Variants in PGR observed in about 807,000 individuals in gnomAD.
PGR encodes nuclear receptor subfamily 3 group C member 3.
In PGR, 25 loss-of-function variants were observed where a neutral mutation model predicts 76.1. The observed-to-expected ratio is 0.33, with a 90% CI of 0.24 to 0.46. PGR has a LOEUF of 0.46. Among genes scored for constraint, PGR ranks in the 20% least tolerant of loss-of-function variants. PGR has a pLI of 1.00. For missense variants in PGR, 1,172 were observed against 1,225.3 expected (o/e 0.96, Z 0.65); for synonymous variants, 579 against 535.0 (o/e 1.08, Z -1.14).
intron 7 of PGR, among the ~76,000 whole-genome samples, chr11:101,041,504 A>G (rs544910): frequency 0.23 from 35,584 of 151,990 alleles, 5,208 homozygotes; most frequent in Non-Finnish European, 0.33. Flanking sequence ...AAAAATAGAA[A>G]CTTGAAAAGC....
chr11:101,057,041 G>C (rs1381969025), intron 4 of PGR, among the ~76,000 whole-genome samples: 1 of 152,118 alleles, frequency 6.6e-6, no homozygotes, highest in Non-Finnish European at 1.5e-5. Flanking sequence ...TTGCAATTAG[G>C]ATCAAGGTTA....
rs573336671 is a variant in PGR, at chr11:101,127,877, C to T, written c.1194G>A (p.Ala398=). 1.2e-6 allele frequency: 2 copies of T among 1,603,106 alleles called. No individual in the cohort carries two copies. Among genetic ancestry groups the T allele is most frequent in the Admixed American group, 3.4e-5 (2 of 59,288 alleles). ...CCACAAGGTAGGAACGCGGGGAGCG[C>T]GCGGAGGCCTCCGCGCCTTCCTCCT... ...KEEEEGAEAS[A]RSPRSYLVAG... is the part of the protein sequence containing the mutation. Residue 398 remains alanine, a synonymous_variant, in exon 1 of 8, where the codon GCG becomes GCA. Coordinates refer to ENST00000325455, the MANE Select transcript of PGR (RefSeq NM_000926.4).
intron 4 of PGR, among the ~76,000 whole-genome samples, chr11:101,060,116 T>C (rs987476485): frequency 1.3e-5 from 2 of 152,126 alleles, no homozygotes; most frequent in Non-Finnish European, 2.9e-5. Flanking sequence ...TTTCCTATTG[T>C]GAAAGAATGA....
chr11:101,112,046 A>C (rs955133250), intron 2 of PGR, among the ~76,000 whole-genome samples: 1 of 152,190 alleles, frequency 6.6e-6, no homozygotes, highest in African/African-American at 2.4e-5. Flanking sequence ...GGAGTGATCA[A>C]TTGTCAAATG....
intron 7 of PGR, chr11:101,041,599 G>A (rs1378948167): frequency 4.8e-6 from 1 of 207,964 alleles, no homozygotes; most frequent in East Asian, 1.2e-4. Flanking sequence ...AATGGCATGA[G>A]TCTTATTTTT....
chr11:101,046,292 ATTTTTTTTTTTT>A (rs540943297), intron 6 of PGR, among the ~76,000 whole-genome samples: 73 of 66,282 alleles, frequency 1.1e-3, no homozygotes, highest in African/African-American at 4.6e-3. Context: ...CGCCTGGCTA[ATTTTTTTTTTTT>A]TTTTTTTTTT....
chr11:101,060,964 T>G (rs1056925424), intron 4 of PGR, among the ~76,000 whole-genome samples: 3 of 152,202 alleles, frequency 2.0e-5, no homozygotes, highest in African/African-American at 7.2e-5. Context: ...TCTTTTCAAG[T>G]ATAACTGGTT....
At position 101,062,443 on chromosome 11, in the gene PGR, T is replaced by C. The variant is rs546571127; in HGVS notation, c.2212+4A>G. ...TACATGCTGTATATAAAAATTATTA[T>C]TACCTGGCAATGATTTAGACCACTT... is the stretch of plus-strand genomic sequence containing the variant. On this transcript the variant is annotated splice_donor_region_variant and intron_variant, in intron 4 of 7. Transcript: ENST00000325455. The C allele has an allele frequency of 5.0e-6, 8 of 1,605,648 alleles. No homozygotes were observed. Among genetic ancestry groups the C allele is most frequent in the African/African-American group, 1.3e-5 (1 of 74,850 alleles).
intron 3 of PGR, among the ~76,000 whole-genome samples, chr11:101,085,718 AAAG>A (rs1342231519): frequency 6.6e-6 from 1 of 152,046 alleles, no homozygotes; most frequent in Non-Finnish European, 1.5e-5. Context: ...ACAAAGAAAA[AAAG>A]AGAGAAGATC....
At chr11:101,098,193 T>C (rs1476370244) in intron 2 of PGR, among the ~76,000 whole-genome samples, 1 of 152,086 alleles carries the variant, frequency 6.6e-6, no homozygotes, top group East Asian at 1.9e-4. Context: ...AATTCCACTT[T>C]AAAGGAAATA....
Position 101,128,137 on chromosome 11 carries a change from T to G in PGR, c.934A>C (p.Asn312His). The change falls in exon 1 of 8, where the codon AAT (asparagine) becomes CAT (histidine). Residue 312 changes from asparagine to histidine, a missense_variant. Asn to His is a moderately conservative substitution (Grantham distance 68, BLOSUM62 1). Transcript: ENST00000325455. ...GTGCGGGCTGCCAATAAGGCGTGAT[T>G]GAGAGGCAGGATAGGCACGTGGATG... ...DFIHVPILPL[N>H]HALLAARTRQ... 6.3e-7 allele frequency: 1 copy of G among 1,597,852 alleles called. No individual in the cohort carries two copies. The highest frequency in any genetic ancestry group is 1.1e-5 in the South Asian group (1 of 91,028).
chr11:101,042,842 A>G (rs1372982042), intron 6 of PGR, among the ~76,000 whole-genome samples: 1 of 152,192 alleles, frequency 6.6e-6, no homozygotes, highest in Non-Finnish European at 1.5e-5. Context: ...AGTGTGCAAC[A>G]GCATTATTTA....
At position 101,127,813 on chromosome 11, in the gene PGR, C is replaced by T; in HGVS notation, c.1258G>A (p.Gly420Arg). ...CGCGGCGGCAGCGGGGGCGGTGGCC[C>T]CAACGGGAAATCCGGGAAGGCTGCG... is the stretch of plus-strand genomic sequence containing the variant. ...NPAAFPDFPLGPPPPLPPRAT... is the reference protein window; with the variant it reads ...NPAAFPDFPLRPPPPLPPRAT... The change falls in exon 1 of 8, where the codon GGG becomes AGG. Residue 420 changes from glycine to arginine, a missense_variant. Coordinates refer to ENST00000325455, the MANE Select transcript of PGR (RefSeq NM_000926.4). 8 of 1,572,306 alleles carry T rather than the reference C, an allele frequency of 5.1e-6. No homozygotes were observed. Among genetic ancestry groups the T allele is most frequent in the Non-Finnish European group, 6.9e-6 (8 of 1,166,934 alleles).
intron 3 of PGR, among the ~76,000 whole-genome samples, chr11:101,080,886 C>T (rs2135439201): frequency 6.6e-6 from 1 of 151,984 alleles, no homozygotes; most frequent in Admixed American, 6.6e-5. Context: ...AATTTTAAAG[C>T]TTGAAGGCTG....
chr11:101,087,676 C>A (rs950785050), intron 3 of PGR, among the ~76,000 whole-genome samples: 3 of 151,914 alleles, frequency 2.0e-5, no homozygotes, highest in African/African-American at 7.3e-5. Context: ...TGTTCACAAA[C>A]TATGCCTCCA....
chr11:101,065,791 G>T (rs79668670), intron 3 of PGR, among the ~76,000 whole-genome samples: 6 of 151,826 alleles, frequency 4.0e-5, no homozygotes, highest in Non-Finnish European at 1.5e-5. Flanking sequence ...GGTGAGCAAG[G>T]GGGGATAAGA....
At chr11:101,091,081 A>T (rs939189931) in intron 3 of PGR, among the ~76,000 whole-genome samples, 7 of 152,174 alleles carry the variant, frequency 4.6e-5, no homozygotes, top group African/African-American at 1.7e-4. Context: ...CTAAGTGAAA[A>T]AATTCAAGGG....
At chr11:101,081,184 C>T (rs1861294037) in intron 3 of PGR, among the ~76,000 whole-genome samples, 1 of 152,086 alleles carries the variant, frequency 6.6e-6, no homozygotes. Flanking sequence ...AATCCCAGCA[C>T]TTTGGGAGGC....
At chr11:101,046,635 G>A (rs996573548) in intron 6 of PGR, among the ~76,000 whole-genome samples, 1 of 151,922 alleles carries the variant, frequency 6.6e-6, no homozygotes, top group African/African-American at 2.4e-5. Flanking sequence ...TGAGATTGAA[G>A]ATTATTTCTA....
Sources: allele counts gnomAD v4.1 joint callset (sites outside exome capture counted in the v4.1 genomes callset), GRCh38; gene constraint gnomAD v4.1.1; transcripts MANE v1.5; gene names NCBI Gene and HGNC (gene_info 2026-07-23, HGNC 2026-07-21).